The following AKAP6 variants were observed in gnomAD, a reference collection of about 807,000 sequenced individuals.
AKAP6 encodes A-kinase anchoring protein 6, also known as A-kinase anchor protein 6.
A neutral mutation model predicts 188.5 loss-of-function variants in AKAP6; 58 were observed. The ratio of observed to expected loss-of-function variants is 0.31; its 90% CI spans 0.25 to 0.38. The LOEUF is 0.38. AKAP6 is among the 10% of genes least tolerant of loss of function. AKAP6 has a pLI of 1.00. For missense variants in AKAP6, 2,710 were observed against 2,740.0 expected, an observed-to-expected ratio of 0.99 and a Z score of 0.24; for synonymous variants, 989 against 998.6, an observed-to-expected ratio of 0.99 and a Z score of 0.18.
intron 5 of AKAP6, among the ~76,000 whole-genome samples, chr14:32,581,447 G>T (rs1884962151): frequency 6.6e-6 from 1 of 152,030 alleles, no homozygotes; most frequent in South Asian, 2.1e-4. Flanking sequence ...GTATGGTGTG[G>T]TGCTGAAAAA....
At chr14:32,791,165 T>G (rs1464325749) in intron 12 of AKAP6, among the ~76,000 whole-genome samples, 1 of 152,206 alleles carries the variant, frequency 6.6e-6, no homozygotes, top group Non-Finnish European at 1.5e-5. Flanking sequence ...ATGGTGTTTC[T>G]GGTTCTAGAT....
At chr14:32,411,064 C>T (rs1889468488) in intron 1 of AKAP6, among the ~76,000 whole-genome samples, 1 of 152,052 alleles carries the variant, frequency 6.6e-6, no homozygotes, top group South Asian at 2.1e-4. Context: ...GATTTTCAAC[C>T]AGGAGTGATT....
chr14:32,700,083 C>T (rs997197070), intron 9 of AKAP6, among the ~76,000 whole-genome samples: 1 of 152,170 alleles, frequency 6.6e-6, no homozygotes, highest in Non-Finnish European at 1.5e-5. Flanking sequence ...CCTCCTCCCC[C>T]ATTCTCTAAG....
chr14:32,837,170 T>A lies in AKAP6; in HGVS notation c.*7365T>A, dbSNP rs368938397. ...GGGACGTTTGACTAGGATCACCAGA[T>A]GTAGATTTGGTAATTTTTCCATACC... On this transcript the variant is annotated 3_prime_UTR_variant, in exon 14 of 14. Transcript: ENST00000280979. 1.3e-5 allele frequency: 2 copies of A among 152,228 alleles called. No homozygotes were observed. The highest frequency in any genetic ancestry group is 3.8e-4 in the East Asian group (2 of 5,200). 9.4% of individuals were successfully genotyped at this position (152,228 alleles called of 1,614,324 possible).
intron 2 of AKAP6, among the ~76,000 whole-genome samples, chr14:32,460,774 C>T (rs1402902166): frequency 1.3e-5 from 2 of 152,204 alleles, no homozygotes; most frequent in Non-Finnish European, 2.9e-5. Context: ...TGGTCTTGCT[C>T]AGCGGGCCCC....
At chr14:32,483,417 T>C (rs1383791428) in intron 2 of AKAP6, among the ~76,000 whole-genome samples, 1 of 88,924 alleles carries the variant, frequency 1.1e-5, no homozygotes, top group African/African-American at 6.3e-5. Flanking sequence ...AGTAGGAATG[T>C]AAAACAGTTT....
In AKAP6 at chr14:32,416,713, C is replaced by G. The variant is rs965731409; in HGVS notation, c.-34-16747C>G. ...GAGATTACAGGTGCCCACCACCATG[C>G]CTGGCTAATTTTTGTATTTTTAGTA... On this transcript the variant is annotated intron_variant, in intron 1 of 13. Transcript: ENST00000280979. 2.6e-5 allele frequency among the ~76,000 whole-genome samples: 4 copies of G among 151,942 alleles called. No individual in the cohort carries two copies. In the East Asian group the frequency reaches 5.8e-4, roughly 22 times the overall value.
At chr14:32,372,570 T>TG (rs5807649) in intron 1 of AKAP6, among the ~76,000 whole-genome samples, 13 of 151,732 alleles carry the variant, frequency 8.6e-5, no homozygotes, top group Admixed American at 3.3e-4. Context: ...TCACTTTTTT[T>TG]TTTTTAATTT....
Position 32,577,258 on chromosome 14 carries a change from T to G in AKAP6, c.2469+16T>G. The G allele has an allele frequency of 6.2e-7, 1 of 1,603,290 alleles. No individual in the cohort carries two copies. Among genetic ancestry groups the G allele is most frequent in the African/African-American group, 1.3e-5 (1 of 74,520 alleles). On this transcript the variant is annotated intron_variant, in intron 5 of 13. Coordinates refer to ENST00000280979, the MANE Select transcript of AKAP6 (RefSeq NM_004274.5). Reference sequence around the variant, plus strand: ...GACACACTTGGTAGGCAAGATTGTGTTGTTCTTGCTGTCAATAATCAAAGG... The same window carrying G: ...GACACACTTGGTAGGCAAGATTGTGGTGTTCTTGCTGTCAATAATCAAAGG...
At chr14:32,555,683 G>A (rs1216560304) in intron 4 of AKAP6, among the ~76,000 whole-genome samples, 2 of 152,040 alleles carry the variant, frequency 1.3e-5, no homozygotes. Flanking sequence ...TCCTCTAAGT[G>A]GAATCATATA....
At chr14:32,355,079 A>T (rs936371549) in intron 1 of AKAP6, among the ~76,000 whole-genome samples, 1 of 152,120 alleles carries the variant, frequency 6.6e-6, no homozygotes, top group Non-Finnish European at 1.5e-5. Context: ...CTATGGACTA[A>T]TTCTTTGATT....
rs10148871 is a variant in AKAP6, at chr14:32,513,403, G to A, written c.325-22151G>A. On this transcript the variant is annotated intron_variant, in intron 2 of 13. Coordinates refer to ENST00000280979, the MANE Select transcript of AKAP6 (RefSeq NM_004274.5). Reference sequence around the variant, plus strand: ...AATAATCCTAGTAACCAGAATTAATGATATGTTATTTATCTGTATACCTGG... The same window carrying A: ...AATAATCCTAGTAACCAGAATTAATAATATGTTATTTATCTGTATACCTGG... 9.0e-3 allele frequency among the ~76,000 whole-genome samples: 1,373 copies of A among 152,250 alleles called. 22 individuals carry two copies. The highest frequency in any genetic ancestry group is 0.029 in the African/African-American group (1,207 of 41,550).
Position 32,545,626 on chromosome 14 carries a change from G to T in AKAP6, c.973G>T (p.Val325Leu). The change falls in exon 4 of 14, where the codon GTG (valine) becomes TTG (leucine). Residue 325 changes from valine to leucine, a missense_variant. Coordinates refer to ENST00000280979, the MANE Select transcript of AKAP6 (RefSeq NM_004274.5). ...AGAGCAACCAGGCTTAACACTGGGG[G>T]TGTCATCATCTTCAGGAGAAGCTCT... ...VEEQPGLTLG[V>L]SSSSGEALTN... 1 of 1,614,146 alleles carries T rather than the reference G, an allele frequency of 6.2e-7. No individual in the cohort carries two copies. The highest frequency in any genetic ancestry group is 8.5e-7 in the Non-Finnish European group (1 of 1,180,014).
Position 32,769,039 on chromosome 14 carries a change from T to A in AKAP6, c.3373-4639T>A, listed in dbSNP as rs111776966. 7.8e-4 allele frequency among the ~76,000 whole-genome samples: 71 copies of A among 91,030 alleles called. 1 individual carries two copies. The highest frequency in any genetic ancestry group is 3.1e-3 in the African/African-American group (66 of 21,202). The allele number at this position is 91,030 out of a possible 152,430, so 59.7% of individuals were successfully genotyped here. ...TAGGGGATGCAGCTGCTCTTTTGAT[T>A]TTTTTTTTTTTTTTTTTTTTTTTTT... On this transcript the variant is annotated intron_variant, in intron 11 of 13. Coordinates refer to ENST00000280979, the MANE Select transcript of AKAP6 (RefSeq NM_004274.5).
intron 9 of AKAP6, among the ~76,000 whole-genome samples, chr14:32,725,076 A>G (rs1285063004): frequency 1.5e-5 from 2 of 129,850 alleles, no homozygotes; most frequent in African/African-American, 2.9e-5. Flanking sequence ...TTTTATTTGG[A>G]TTCTCTCCAA....
Position 32,329,376 on chromosome 14 carries a change from A to G in AKAP6, c.-67A>G, listed in dbSNP as rs1350302687. The G allele has an allele frequency of 6.6e-6, 1 of 152,168 alleles. No homozygotes were observed. Among genetic ancestry groups the G allele is most frequent in the East Asian group, 1.9e-4 (1 of 5,194 alleles). 9.4% of individuals were successfully genotyped at this position (152,168 alleles called of 1,614,324 possible). On this transcript the variant is annotated 5_prime_UTR_variant, in exon 1 of 14. It removes the in-frame stop codon of an upstream open reading frame in the 5' UTR. Coordinates refer to ENST00000280979, the MANE Select transcript of AKAP6 (RefSeq NM_004274.5). ...TATTGCATCCTACAGATGTGCTGTAAACATCAAAAGAAGACGGTGGGATCA... is the reference window on the plus strand; with the variant it reads ...TATTGCATCCTACAGATGTGCTGTAGACATCAAAAGAAGACGGTGGGATCA...
At chr14:32,453,654 T>A (rs1165499846) in intron 2 of AKAP6, among the ~76,000 whole-genome samples, 1 of 135,120 alleles carries the variant, frequency 7.4e-6, no homozygotes, top group Non-Finnish European at 1.5e-5. Context: ...GGGAGTGCAG[T>A]GGCGCGATCT....
Position 32,577,117 on chromosome 14 carries a change from A to G in AKAP6, c.2347-3A>G, listed in dbSNP as rs1884758400. 6.2e-7 allele frequency: 1 copy of G among 1,603,366 alleles called. No individual in the cohort carries two copies. The highest frequency in any genetic ancestry group is 8.5e-7 in the Non-Finnish European group (1 of 1,177,086). On this transcript the variant is annotated splice_region_variant and splice_polypyrimidine_tract_variant and intron_variant, in intron 4 of 13. Coordinates refer to ENST00000280979, the MANE Select transcript of AKAP6 (RefSeq NM_004274.5). Reference sequence around the variant, plus strand: ...TTTTTCCCCTTTTCTTTCCTTTCACAAGGGGTTTGTAAACAAACTGGATGA... The same window carrying G: ...TTTTTCCCCTTTTCTTTCCTTTCACGAGGGGTTTGTAAACAAACTGGATGA...
At chr14:32,348,332 CTGAGAATGTTTAG>C (rs1887136773) in intron 1 of AKAP6, among the ~76,000 whole-genome samples, 1 of 151,836 alleles carries the variant, frequency 6.6e-6, no homozygotes, top group Non-Finnish European at 1.5e-5. Flanking sequence ...GAATCCCAAA[CTGAGAATGTTTAG>C]TAAGAAGAAT....
Sources: allele counts gnomAD v4.1 joint callset (sites outside exome capture counted in the v4.1 genomes callset), GRCh38; gene constraint gnomAD v4.1.1; transcripts MANE v1.5; gene names NCBI Gene and HGNC (gene_info 2026-07-23, HGNC 2026-07-21).